The following RNF13 variants were observed in gnomAD, a reference collection of about 807,000 sequenced individuals.
RNF13 encodes E3 ubiquitin-protein ligase RNF13.
A neutral mutation model predicts 37.7 loss-of-function variants in RNF13; 19 were observed. The ratio of observed to expected loss-of-function variants is 0.50; its 90% confidence interval spans 0.35 to 0.74. The LOEUF (loss-of-function observed/expected upper bound fraction) is 0.74. Among genes scored for constraint, RNF13 ranks in the 30% least tolerant of loss-of-function variants. The probability of loss-of-function intolerance (pLI) is 0.01; values close to 1 mark genes in which losing one functional copy is unlikely to be tolerated. For missense variants in RNF13, 375 were observed against 453.0 expected, an observed-to-expected ratio of 0.83 and a Z score of 1.56; for synonymous variants, 144 against 157.8, an observed-to-expected ratio of 0.91 and a Z score of 0.65.
chr3:149,818,191 T>TA (rs1163278592), intron 1 of RNF13, among the ~76,000 whole-genome samples: 1 of 152,202 alleles, frequency 6.6e-6, no homozygotes, highest in Non-Finnish European at 1.5e-5. Flanking sequence ...ACTCAAATAT[T>TA]TGTTGAGTAC....
intron 8 of RNF13, among the ~76,000 whole-genome samples, chr3:149,948,693 T>A (rs1463420320): frequency 6.6e-6 from 1 of 152,226 alleles, no homozygotes; most frequent in African/African-American, 2.4e-5. Flanking sequence ...TGTTTTTACA[T>A]TGCTTATCAT....
intron 3 of RNF13, among the ~76,000 whole-genome samples, chr3:149,862,832 T>A (rs1014005038): frequency 2.6e-5 from 4 of 152,214 alleles, no homozygotes; most frequent in Non-Finnish European, 5.9e-5. Context: ...TGAAACCAGG[T>A]ACTTTTATAT....
chr3:149,874,580 T>G (rs1265954552), intron 4 of RNF13, among the ~76,000 whole-genome samples: 1 of 152,108 alleles, frequency 6.6e-6, no homozygotes, highest in Admixed American at 6.6e-5. Flanking sequence ...TAGAATTAAA[T>G]AGAATAAGGG....
At chr3:149,860,676 A>G (rs1455666784) in intron 3 of RNF13, among the ~76,000 whole-genome samples, 10 of 152,194 alleles carry the variant, frequency 6.6e-5, no homozygotes, top group Non-Finnish European at 1.5e-4. Context: ...AAGAAAACAT[A>G]TGGAAAACAC....
At position 149,942,656 on chromosome 3, in the gene RNF13, A is replaced by G. The variant is rs540740146; in HGVS notation, c.701-17400A>G. On this transcript the variant is annotated intron_variant, in intron 8 of 9. Coordinates refer to ENST00000392894, the MANE Select transcript of RNF13 (RefSeq NM_183381.3). ...AATATGTCTTCTGTGAAGGGAATTAATTTTACTGATTTTCCAATCTGTATG... is the reference window on the plus strand; with the variant it reads ...AATATGTCTTCTGTGAAGGGAATTAGTTTTACTGATTTTCCAATCTGTATG... 6.6e-5 allele frequency among the ~76,000 whole-genome samples: 10 copies of G among 152,188 alleles called. No homozygotes were observed. In the South Asian group the frequency reaches 1.9e-3, roughly 28 times the overall value.
intron 3 of RNF13, among the ~76,000 whole-genome samples, chr3:149,868,181 C>A (rs1711566026): frequency 6.6e-6 from 1 of 151,196 alleles, no homozygotes; most frequent in African/African-American, 2.4e-5. Context: ...TTTTTTTAAA[C>A]AATTGTTTTA....
intron 8 of RNF13, among the ~76,000 whole-genome samples, chr3:149,957,624 A>G (rs1159453674): frequency 1.3e-5 from 2 of 152,216 alleles, no homozygotes; most frequent in Non-Finnish European, 2.9e-5. Flanking sequence ...CCTCCTAGCC[A>G]GTCTTCTACC....
In RNF13 at chr3:149,852,557, T is replaced by A; in HGVS notation, c.156T>A (p.Pro52=). 6.4e-7 allele frequency: 1 copy of A among 1,565,240 alleles called. No homozygotes were observed. The highest frequency in any genetic ancestry group is 8.7e-7 in the Non-Finnish European group (1 of 1,152,124). ...CATCTCAGACATTTGATGACCTCCCTGCAAGATTTGGTTATAGACTTCCAG... is the reference window on the plus strand; with the variant it reads ...CATCTCAGACATTTGATGACCTCCCAGCAAGATTTGGTTATAGACTTCCAG... ...ENASQTFDDL[P]ARFGYRLPAE... The change falls in exon 3 of 10, where the codon CCT becomes CCA. Residue 52 remains proline (P), a synonymous_variant. Transcript: ENST00000392894.
At chr3:149,960,035 C>T in intron 8 of RNF13, 21 bp from the exon 9 acceptor site, 1 of 1,546,050 alleles carries the variant, frequency 6.5e-7, no homozygotes, top group Middle Eastern at 1.7e-4. Context: ...AAATAGTTCT[C>T]TACATATTTT....
At chr3:149,899,670 G>A (rs554431178) in intron 5 of RNF13, among the ~76,000 whole-genome samples, 3 of 152,290 alleles carry the variant, frequency 2.0e-5, no homozygotes, top group East Asian at 3.9e-4. Context: ...AGTAGTTAAA[G>A]TCATGAGAAG....
At chr3:149,946,364 G>C (rs1720773234) in intron 8 of RNF13, among the ~76,000 whole-genome samples, 1 of 152,214 alleles carries the variant, frequency 6.6e-6, no homozygotes, top group Non-Finnish European at 1.5e-5. Flanking sequence ...CTTTCAAAGA[G>C]TTTGAGAAGG....
chr3:149,841,310 A>C (rs895650638), intron 1 of RNF13, among the ~76,000 whole-genome samples: 1 of 152,218 alleles, frequency 6.6e-6, no homozygotes, highest in Non-Finnish European at 1.5e-5. Flanking sequence ...CAACAAAACA[A>C]AACCTAGCAG....
chr3:149,918,365 G>A (rs1171749527), intron 7 of RNF13, among the ~76,000 whole-genome samples: 3 of 152,106 alleles, frequency 2.0e-5, no homozygotes, highest in East Asian at 3.9e-4. Context: ...ATAAGTTGCC[G>A]AGCTTGTGAA....
At chr3:149,886,397 T>C (rs1714033872) in intron 4 of RNF13, among the ~76,000 whole-genome samples, 1 of 152,170 alleles carries the variant, frequency 6.6e-6, no homozygotes, top group Admixed American at 6.5e-5. Context: ...TTTTGGATTG[T>C]TCATTGCTAG....
At chr3:149,873,761 T>C (rs1712361319) in intron 4 of RNF13, among the ~76,000 whole-genome samples, 2 of 152,212 alleles carry the variant, frequency 1.3e-5, no homozygotes, top group Non-Finnish European at 2.9e-5. Context: ...GTGCAGACCA[T>C]TCCAGCTCAA....
At chr3:149,869,093 ATTCT>A (rs1202984478) in intron 3 of RNF13, among the ~76,000 whole-genome samples, 4 of 151,354 alleles carry the variant, frequency 2.6e-5, no homozygotes, top group Non-Finnish European at 5.9e-5. Context: ...GACTTGGCTG[ATTCT>A]TTCTTCTCCT....
chr3:149,887,881 G>A (rs1363475901), intron 4 of RNF13, among the ~76,000 whole-genome samples: 1 of 152,240 alleles, frequency 6.6e-6, no homozygotes, highest in Non-Finnish European at 1.5e-5. Flanking sequence ...TAAGAGTTTT[G>A]TAAGTAACAC....
intron 3 of RNF13, among the ~76,000 whole-genome samples, chr3:149,853,328 C>T (rs1723282839): frequency 6.6e-6 from 1 of 152,046 alleles, no homozygotes; most frequent in South Asian, 2.1e-4. Context: ...CTATCAATAA[C>T]ATCTGAGACT....
chr3:149,874,583 A>C (rs1712466981), intron 4 of RNF13, among the ~76,000 whole-genome samples: 1 of 152,148 alleles, frequency 6.6e-6, no homozygotes, highest in Admixed American at 6.5e-5. Context: ...AATTAAATAG[A>C]ATAAGGGTAA....
Sources: allele counts gnomAD v4.1 joint callset (sites outside exome capture counted in the v4.1 genomes callset), GRCh38; gene constraint gnomAD v4.1.1; transcripts MANE v1.5; gene names NCBI Gene and HGNC (gene_info 2026-07-23, HGNC 2026-07-21).